Variants in MCTP1 observed in about 807,000 individuals in gnomAD.
The protein encoded by MCTP1 is multiple C2 and transmembrane domain containing 1.
A neutral mutation model predicts 120.6 loss-of-function variants in MCTP1; 69 were observed. The ratio of observed to expected loss-of-function variants is 0.57; its 90% CI spans 0.47 to 0.70. MCTP1 has a LOEUF of 0.70. MCTP1 is among the 30% of genes least tolerant of loss of function. MCTP1 has a pLI of 0.00. For synonymous variants in MCTP1, 529 were observed against 493.1 expected, an observed-to-expected ratio of 1.07 and a Z score of -0.96; for missense variants, 1,203 against 1,248.8, an observed-to-expected ratio of 0.96 and a Z score of 0.55.
At chr5:95,168,354 G>C (rs1336378181) in intron 1 of MCTP1, among the ~76,000 whole-genome samples, 1 of 152,082 alleles carries the variant, frequency 6.6e-6, no homozygotes, top group Non-Finnish European at 1.5e-5. Flanking sequence ...TGTTCTTTTG[G>C]CTTAGGATTG....
At chr5:94,873,013 G>C in intron 13 of MCTP1, 126 bp downstream of exon 13, 1 of 645,260 alleles carries the variant, frequency 1.5e-6, no homozygotes, top group African/African-American at 1.9e-5. Context: ...TGTTAGCAAA[G>C]GCAGGCCAGA....
intron 2 of MCTP1, among the ~76,000 whole-genome samples, chr5:94,988,597 G>GTTTTTTT (rs752489135): frequency 8.5e-6 from 1 of 117,462 alleles, no homozygotes. Context: ...CCCTGTGTGT[G>GTTTTTTT]TTTTTTTTTT....
At chr5:95,003,440 A>G (rs1465829712) in intron 2 of MCTP1, among the ~76,000 whole-genome samples, 1 of 152,158 alleles carries the variant, frequency 6.6e-6, no homozygotes, top group African/African-American at 2.4e-5. Context: ...GTGTAAGTAC[A>G]CCCTGTGATG....
intron 2 of MCTP1, among the ~76,000 whole-genome samples, chr5:94,971,247 C>T (rs1364506826): frequency 2.0e-5 from 3 of 151,932 alleles, no homozygotes; most frequent in African/African-American, 7.3e-5. Context: ...AATGAATTTT[C>T]TAGGAAACTA....
At chr5:94,980,987 TGA>T (rs1315421793) in intron 2 of MCTP1, 1 of 151,950 alleles carries the variant, frequency 6.6e-6, no homozygotes, top group Non-Finnish European at 1.5e-5. Context: ...CTAAAATACT[TGA>T]GGAACAATGA....
At chr5:95,003,109 A>T (rs1834042584) in intron 2 of MCTP1, among the ~76,000 whole-genome samples, 1 of 152,098 alleles carries the variant, frequency 6.6e-6, no homozygotes, top group East Asian at 1.9e-4. Flanking sequence ...CTTCTGCCAT[A>T]ATTGTAAGTT....
At chr5:95,238,204 CCA>C (rs1438656678) in intron 1 of MCTP1, among the ~76,000 whole-genome samples, 1 of 152,150 alleles carries the variant, frequency 6.6e-6, no homozygotes, top group Non-Finnish European at 1.5e-5. Flanking sequence ...GCCAGCCTCT[CCA>C]CAGTTTCTTT....
chr5:95,109,756 C>G (rs1757327604), intron 1 of MCTP1, among the ~76,000 whole-genome samples: 1 of 152,158 alleles, frequency 6.6e-6, no homozygotes, highest in South Asian at 2.1e-4. Flanking sequence ...TTATTACATT[C>G]TGCTGTAGGT....
At chr5:95,076,912 G>A (rs183419958) in intron 1 of MCTP1, among the ~76,000 whole-genome samples, 1 of 152,136 alleles carries the variant, frequency 6.6e-6, no homozygotes, top group East Asian at 1.9e-4. Flanking sequence ...AGTTGTGCTT[G>A]ATCAAGTATT....
chr5:95,068,995 A>G (rs1355353197), intron 1 of MCTP1, among the ~76,000 whole-genome samples: 1 of 151,764 alleles, frequency 6.6e-6, no homozygotes, highest in Non-Finnish European at 1.5e-5. Flanking sequence ...AGAAGCTGTG[A>G]AACAACAGAA....
intron 1 of MCTP1, among the ~76,000 whole-genome samples, chr5:95,130,935 T>C (rs1289060230): frequency 6.6e-6 from 1 of 152,226 alleles, no homozygotes; most frequent in Non-Finnish European, 1.5e-5. Flanking sequence ...CAATAAATTA[T>C]TTTAACTGCC....
intron 6 of MCTP1, among the ~76,000 whole-genome samples, chr5:94,926,298 C>G (rs1467931289): frequency 6.6e-6 from 1 of 152,128 alleles, no homozygotes; most frequent in African/African-American, 2.4e-5. Flanking sequence ...AGAGTCAAGT[C>G]AGCTAGTATT....
chr5:94,834,674 C>A (rs1789298902), intron 17 of MCTP1, among the ~76,000 whole-genome samples: 1 of 152,138 alleles, frequency 6.6e-6, no homozygotes, highest in Non-Finnish European at 1.5e-5. Context: ...CGATTCCAGT[C>A]AGAGATCTCA....
chr5:94,939,696 T>C (rs974133445), intron 5 of MCTP1, among the ~76,000 whole-genome samples: 9 of 152,002 alleles, frequency 5.9e-5, no homozygotes, highest in Admixed American at 2.6e-4. Flanking sequence ...ATTTTCTCTG[T>C]TATGGTACAC....
intron 1 of MCTP1, among the ~76,000 whole-genome samples, chr5:95,231,715 T>G (rs556834120): frequency 5.9e-5 from 9 of 152,314 alleles, no homozygotes; most frequent in African/African-American, 1.9e-4. Context: ...CATGTTCTTA[T>G]TATTTATATA....
intron 17 of MCTP1, among the ~76,000 whole-genome samples, chr5:94,833,363 C>A (rs758889030): frequency 2.6e-5 from 4 of 152,152 alleles, no homozygotes; most frequent in Non-Finnish European, 4.4e-5. Context: ...CCTCCCTACA[C>A]AACACCGAAG....
At chr5:95,121,839 A>G (rs1027388450) in intron 1 of MCTP1, among the ~76,000 whole-genome samples, 1 of 151,438 alleles carries the variant, frequency 6.6e-6, no homozygotes. Context: ...CCGTACATCT[A>G]TAGTGAATTC....
chr5:95,279,787 C>T (rs991428732), intron 1 of MCTP1, among the ~76,000 whole-genome samples: 12 of 152,086 alleles, frequency 7.9e-5, no homozygotes, highest in Admixed American at 2.6e-4. Context: ...GCTGATGATC[C>T]GAGCACTTTT....
At chr5:94,866,430 A>G (rs576960288) in intron 17 of MCTP1, among the ~76,000 whole-genome samples, 1 of 151,802 alleles carries the variant, frequency 6.6e-6, no homozygotes, top group African/African-American at 2.4e-5. Context: ...CACAGGTAAT[A>G]TTATGGGTTC....
Sources: gnomAD v4.1 joint callset for allele counts (sites outside exome capture counted in the v4.1 genomes callset) on GRCh38, gnomAD v4.1.1 for gene constraint, MANE v1.5 for transcripts, NCBI Gene and HGNC (gene_info 2026-07-23, HGNC 2026-07-21) for gene names.